Variants in IST1 observed in about 807,000 individuals in gnomAD.
IST1 encodes the protein IST1 homolog.
IST1 carries 23 observed loss-of-function variants against 37.0 expected under a neutral mutation model. That is an observed-to-expected ratio of 0.62 (90% CI 0.45 to 0.88). IST1 has a LOEUF of 0.88. Ranked by LOEUF, IST1 falls within the 40% of genes least tolerant of loss-of-function variation. The pLI is 0.00. For synonymous variants in IST1, 180 were observed against 161.7 expected, an observed-to-expected ratio of 1.11 and a Z score of -0.86; for missense variants, 488 against 445.4, an observed-to-expected ratio of 1.10 and a Z score of -0.86.
In IST1 at chr16:71,928,515, A is replaced by G. The variant is rs115840179; in HGVS notation, c.*702A>G. On this transcript the variant is annotated 3_prime_UTR_variant, in exon 10 of 10. Coordinates refer to ENST00000378799, the MANE Select transcript of IST1 (RefSeq NM_001270975.2). ...CTTTGCGTGCTGTTTCCCTTGTACC[A>G]GAGGGCGGCACCGTGGAAATTCTGT... 2 of 152,780 alleles carry G rather than the reference A, an allele frequency of 1.3e-5. No homozygotes were observed. The highest frequency in any genetic ancestry group is 4.8e-5 in the African/African-American group (2 of 41,536). The allele number at this position is 152,780 out of a possible 1,614,324, so 9.5% of individuals were successfully genotyped here.
intron 4 of IST1, 23 bp downstream of exon 4, chr16:71,917,157 A>G (rs780875095): frequency 7.2e-7 from 1 of 1,396,008 alleles, no homozygotes; most frequent in East Asian, 2.3e-5. Flanking sequence ...AGTTTCAGTG[A>G]TGTCTGTAGC....
At chr16:71,894,891 A>G (rs1416655650), upstream of IST1, 1 of 1,414,856 alleles carries the variant, frequency 7.1e-7, no homozygotes, top group African/African-American at 1.4e-5. Context: ...CTGAATACCG[A>G]GATAAATTAG....
At chr16:71,922,393 A>G (rs1289686704) in intron 6 of IST1, 81 bp from the exon 7 acceptor site, 1 of 1,165,576 alleles carries the variant, frequency 8.6e-7, no homozygotes, top group Non-Finnish European at 1.3e-6. Context: ...GCTTTATGCT[A>G]ATCTCCATCT....
chr16:71,922,339 T>G, intron 6 of IST1, 135 bp from the exon 7 acceptor site: 1 of 736,532 alleles, frequency 1.4e-6, no homozygotes, highest in South Asian at 1.7e-5. Flanking sequence ...CTCTGCCTTT[T>G]CTTCCCCCAC....
Position 71,915,704 on chromosome 16 carries a change from C to T in IST1, c.64C>T (p.Leu22Phe). 6.2e-7 allele frequency: 1 copy of T among 1,612,586 alleles called. No individual in the cohort carries two copies. Among genetic ancestry groups the T allele is most frequent in the Non-Finnish European group, 8.5e-7 (1 of 1,178,996 alleles). Residue 22 changes from leucine to phenylalanine, a missense_variant, in exon 2 of 10, where the codon CTT (leucine) becomes TTT (phenylalanine). Transcript: ENST00000378799. Reference protein sequence around the residue: ...RVNLRLVINRLKLLEKKKTEL... With the variant: ...RVNLRLVINRFKLLEKKKTEL... ...GAATTTGAGATTAGTCATAAATCGC[C>T]TTAAACTATTGGAGAAAAAGAAAAG...
At chr16:71,916,672 C>A in intron 3 of IST1, 30 bp downstream of exon 3, 3 of 1,574,828 alleles carry the variant, frequency 1.9e-6, no homozygotes, top group African/African-American at 1.4e-5. Context: ...AGACCTAAAT[C>A]ATTTCTGGAA....
rs997037463 is a variant in IST1, at chr16:71,921,376, A to G, written c.475A>G (p.Lys159Glu). ...CAAGCTGAGTGTGGAAGCCCCACCC[A>G]AAATCCTGGTGGAGAGATACCTGAT... ...MHKLSVEAPP[K>E]ILVERYLIEI... The change falls in exon 6 of 10, where the codon AAA becomes GAA. Residue 159 changes from lysine to glutamate, a missense_variant. By Grantham distance (56) the Lys-to-Glu change is moderately conservative (BLOSUM62 1). Transcript: ENST00000378799. The G allele has an allele frequency of 1.2e-6, 2 of 1,612,878 alleles. No individual in the cohort carries two copies. Among genetic ancestry groups the G allele is most frequent in the Non-Finnish European group, 1.7e-6 (2 of 1,179,180 alleles).
intron 1 of IST1, among the ~76,000 whole-genome samples, chr16:71,905,942 T>C (rs1023605037): frequency 3.9e-5 from 6 of 152,132 alleles, no homozygotes; most frequent in Non-Finnish European, 7.3e-5. Context: ...TGCTTTATAA[T>C]GTTCTGGGTT....
intron 7 of IST1, 124 bp downstream of exon 7, chr16:71,922,804 G>A: frequency 1.3e-6 from 1 of 756,670 alleles, no homozygotes; most frequent in Non-Finnish European, 2.2e-6. Flanking sequence ...TTTGGTATTA[G>A]CTGGCAGTCA....
In IST1 at chr16:71,924,797, T is replaced by A. The variant is rs770613241; in HGVS notation, c.881T>A (p.Ile294Asn). 6.2e-7 allele frequency: 1 copy of A among 1,610,156 alleles called. No homozygotes were observed. Among genetic ancestry groups the A allele is most frequent in the South Asian group, 1.1e-5 (1 of 90,990 alleles). ...GATGACATTAATGCTGATAAGAATA[T>A]CTCTTCTGCACAGATTGTTGGTGAG... ...SVDDINADKN[I>N]SSAQIVGPGP... The change falls in exon 9 of 10, where the codon ATC becomes AAC. Residue 294 changes from isoleucine (I) to asparagine (N), a missense_variant. Physicochemically the swap from Ile to Asn is moderately radical, Grantham distance 149. Coordinates refer to ENST00000378799, the MANE Select transcript of IST1 (RefSeq NM_001270975.2).
chr16:71,900,072 A>G (rs2037069374), intron 1 of IST1, among the ~76,000 whole-genome samples: 1 of 150,960 alleles, frequency 6.6e-6, no homozygotes. Flanking sequence ...AGGTTGAGGC[A>G]GGAGAATCGC....
rs1567480676 is a variant in IST1, at chr16:71,930,020, A to C, written c.*2207A>C. Reference sequence around the variant, plus strand: ...ACAGTGGAGCTTTCCCAGTGATATAACAGCATGCTAGTTTATCTTTTAGTT... The same window carrying C: ...ACAGTGGAGCTTTCCCAGTGATATACCAGCATGCTAGTTTATCTTTTAGTT... On this transcript the variant is annotated 3_prime_UTR_variant, in exon 10 of 10. Coordinates refer to ENST00000378799, the MANE Select transcript of IST1 (RefSeq NM_001270975.2). 6.5e-7 allele frequency: 1 copy of C among 1,536,026 alleles called. No homozygotes were observed. The highest frequency in any genetic ancestry group is 1.2e-5 in the South Asian group (1 of 82,160).
chr16:71,921,238 C>T (rs1482344589), intron 5 of IST1, 105 bp from the exon 6 acceptor site: 4 of 706,052 alleles, frequency 5.7e-6, no homozygotes, highest in South Asian at 1.7e-5. Context: ...CCTTTTTTTC[C>T]CTCAATATTA....
At chr16:71,913,954 A>T (rs1254852116) in intron 1 of IST1, among the ~76,000 whole-genome samples, 1 of 151,178 alleles carries the variant, frequency 6.6e-6, no homozygotes, top group Non-Finnish European at 1.5e-5. Flanking sequence ...GATTACAGGC[A>T]TGCGCCACCA....
chr16:71,925,593 C>G (rs1428995232), intron 9 of IST1, among the ~76,000 whole-genome samples: 1 of 152,090 alleles, frequency 6.6e-6, no homozygotes, highest in Non-Finnish European at 1.5e-5. Flanking sequence ...AGATTACAGG[C>G]ATGAGCCACC....
intron 1 of IST1, among the ~76,000 whole-genome samples, chr16:71,896,313 T>C (rs942196979): frequency 6.6e-6 from 1 of 152,082 alleles, no homozygotes; most frequent in Non-Finnish European, 1.5e-5. Flanking sequence ...CCAGGAGCTG[T>C]AGGTTAATTA....
At chr16:71,927,068 C>T (rs2037761102) in intron 9 of IST1, among the ~76,000 whole-genome samples, 1 of 152,224 alleles carries the variant, frequency 6.6e-6, no homozygotes, top group Admixed American at 6.5e-5. Context: ...GTCGATTGCT[C>T]TGTGGATGTG....
chr16:71,905,997 C>T (rs987200195), intron 1 of IST1, among the ~76,000 whole-genome samples: 3 of 147,462 alleles, frequency 2.0e-5, no homozygotes, highest in African/African-American at 5.0e-5. Context: ...ACTTCTTAAG[C>T]AATTCTTTTT....
In IST1 at chr16:71,901,122, G is replaced by A. The variant is rs191820258; in HGVS notation, c.-16+5533G>A. ...TTAGGTTATTATTTCCAAAATTAATGTTCCTAATCATACAGGATAACAAAG... is the reference window on the plus strand; with the variant it reads ...TTAGGTTATTATTTCCAAAATTAATATTCCTAATCATACAGGATAACAAAG... On this transcript the variant is annotated intron_variant, in intron 1 of 9. Transcript: ENST00000378799. Among the ~76,000 whole-genome samples the A allele has an allele frequency of 5.2e-3, 798 of 152,252 alleles. 25 individuals carry two copies. Among genetic ancestry groups the A allele is most frequent in the South Asian group, 1.5e-3 (7 of 4,822 alleles).
Sources: gnomAD v4.1 joint callset for allele counts (sites outside exome capture counted in the v4.1 genomes callset) on GRCh38, gnomAD v4.1.1 for gene constraint, MANE v1.5 for transcripts, NCBI Gene and HGNC (gene_info 2026-07-23, HGNC 2026-07-21) for gene names.